Variants in TENM2 observed in about 807,000 individuals in gnomAD.
TENM2 encodes teneurin transmembrane protein 2, also known as teneurin-2.
TENM2 carries 52 observed loss-of-function variants against 245.2 expected under a neutral mutation model. The ratio of observed to expected loss-of-function variants is 0.21; its 90% CI spans 0.17 to 0.27. TENM2 has a LOEUF of 0.27. Among genes scored for constraint, TENM2 ranks in the 10% least tolerant of loss-of-function variants. The probability of loss-of-function intolerance (pLI) is 1.00; values close to 1 mark genes in which losing one functional copy is unlikely to be tolerated. For missense variants in TENM2, 3,046 were observed against 3,666.8 expected (o/e 0.83, Z 4.37); for synonymous variants, 1,363 against 1,438.9 (o/e 0.95, Z 1.19).
chr5:167,554,043 G>C (rs79458019), intron 2 of TENM2, among the ~76,000 whole-genome samples: 1 of 152,260 alleles, frequency 6.6e-6, no homozygotes, highest in African/African-American at 2.4e-5. Context: ...ATTCTCATGG[G>C]AAGTGTCTGG....
chr5:168,238,190 G>A (rs924483703), intron 25 of TENM2, among the ~76,000 whole-genome samples: 609 of 46,322 alleles, frequency 0.013, 65 homozygotes, highest in African/African-American at 0.13. Flanking sequence ...AGAGAGGGAG[G>A]GAGGGAGGGA....
At chr5:167,353,711 T>C (rs1044314838) in intron 1 of TENM2, among the ~76,000 whole-genome samples, 2 of 151,508 alleles carry the variant, frequency 1.3e-5, no homozygotes, top group African/African-American at 2.4e-5. Flanking sequence ...GTTTCACCGT[T>C]TTAGCCGGGA....
intron 5 of TENM2, among the ~76,000 whole-genome samples, chr5:168,025,661 G>A (rs961048276): frequency 6.6e-6 from 1 of 152,212 alleles, no homozygotes; most frequent in Non-Finnish European, 1.5e-5. Context: ...GTTCCAAAGA[G>A]CAAACACAAC....
chr5:167,288,558 CAAA>C (rs58929279), intron 1 of TENM2, among the ~76,000 whole-genome samples: 6 of 93,666 alleles, frequency 6.4e-5, no homozygotes, highest in Admixed American at 2.7e-4. Context: ...GACTCCGTCT[CAAA>C]AAAAAAAAAA....
intron 2 of TENM2, among the ~76,000 whole-genome samples, chr5:167,718,396 A>G (rs909872238): frequency 6.6e-6 from 1 of 152,098 alleles, no homozygotes; most frequent in Admixed American, 6.6e-5. Flanking sequence ...ACTTCCCTGT[A>G]GCTCAGTGTC....
intron 3 of TENM2, among the ~76,000 whole-genome samples, chr5:167,919,157 T>C (rs1175191446): frequency 2.0e-5 from 3 of 152,192 alleles, no homozygotes; most frequent in Non-Finnish European, 2.9e-5. Flanking sequence ...TTACTTCTAT[T>C]GTTTCCCTAG....
At chr5:167,394,695 A>G (rs183773284) in intron 2 of TENM2, among the ~76,000 whole-genome samples, 64 of 152,220 alleles carry the variant, frequency 4.2e-4, no homozygotes, top group Non-Finnish European at 5.9e-5. Flanking sequence ...TCCTGGGGTC[A>G]AGTGATTCTC....
chr5:167,485,521 C>T (rs1436959371), intron 2 of TENM2, among the ~76,000 whole-genome samples: 2 of 152,158 alleles, frequency 1.3e-5, no homozygotes, highest in Admixed American at 6.5e-5. Context: ...GGTAATGAAC[C>T]ATATTTTTCA....
chr5:167,782,552 A>G (rs1298409299), intron 2 of TENM2, among the ~76,000 whole-genome samples: 1 of 152,060 alleles, frequency 6.6e-6, no homozygotes, highest in East Asian at 1.9e-4. Context: ...ATCATTTCCA[A>G]GTTCAGCTCT....
At chr5:167,932,815 G>A (rs1438873219) in intron 3 of TENM2, among the ~76,000 whole-genome samples, 1 of 152,102 alleles carries the variant, frequency 6.6e-6, no homozygotes, top group Non-Finnish European at 1.5e-5. Context: ...TAGCTCGGCG[G>A]CTGAATGTGG....
At chr5:167,812,304 T>C (rs368181714) in intron 2 of TENM2, among the ~76,000 whole-genome samples, 1 of 152,092 alleles carries the variant, frequency 6.6e-6, no homozygotes, top group Non-Finnish European at 1.5e-5. Flanking sequence ...GATTTCCATT[T>C]TGGAAAGATC....
intron 2 of TENM2, among the ~76,000 whole-genome samples, chr5:167,532,881 T>A (rs533865180): frequency 6.6e-6 from 1 of 151,134 alleles, no homozygotes; most frequent in Non-Finnish European, 1.5e-5. Context: ...ATCTAGATGA[T>A]GTGATGAAAG....
chr5:167,903,316 T>G (rs977664319), intron 3 of TENM2, among the ~76,000 whole-genome samples: 1 of 152,162 alleles, frequency 6.6e-6, no homozygotes, highest in African/African-American at 2.4e-5. Context: ...GAAGCTTCTC[T>G]TCTAAAGTGA....
In TENM2 at chr5:167,673,328, A is replaced by G. The variant is rs115926262; in HGVS notation, c.503-202658A>G. 4.4e-3 allele frequency among the ~76,000 whole-genome samples: 667 copies of G among 152,244 alleles called. 9 individuals carry two copies. Among genetic ancestry groups the G allele is most frequent in the African/African-American group, 0.015 (626 of 41,572 alleles). ...ACAATAATAAAATGATTCTAATTTT[A>G]GCATAAAAGATGGTTCCCATTAACA... is the stretch of plus-strand genomic sequence containing the variant. On this transcript the variant is annotated intron_variant, in intron 2 of 28. Transcript: ENST00000518659.
intron 7 of TENM2, among the ~76,000 whole-genome samples, chr5:168,072,961 T>C (rs1791152641): frequency 6.6e-6 from 1 of 151,868 alleles, no homozygotes; most frequent in Non-Finnish European, 1.5e-5. Flanking sequence ...GAGCTCAGAG[T>C]CTTCCTCCTC....
intron 2 of TENM2, among the ~76,000 whole-genome samples, chr5:167,440,818 G>A (rs1489718670): frequency 6.6e-6 from 1 of 151,620 alleles, no homozygotes; most frequent in Non-Finnish European, 1.5e-5. Flanking sequence ...CATCTACAGT[G>A]TGCTTGGATA....
upstream of TENM2, among the ~76,000 whole-genome samples, chr5:167,280,335 A>T (rs1320575300): frequency 6.6e-6 from 1 of 152,148 alleles, no homozygotes. Flanking sequence ...TCTCCTAAAC[A>T]TTCTTCCACA....
chr5:167,582,682 C>A (rs1775173976), intron 2 of TENM2, among the ~76,000 whole-genome samples: 1 of 152,214 alleles, frequency 6.6e-6, no homozygotes, highest in Non-Finnish European at 1.5e-5. Context: ...ATGGCACGAA[C>A]CTTTACAGAA....
At chr5:167,002,866 T>G in the TENM2 span, among the ~76,000 whole-genome samples, 1 of 152,272 alleles carries the variant, frequency 6.6e-6, no homozygotes, top group Non-Finnish European at 1.5e-5. Flanking sequence ...TATTACATAC[T>G]CAAGAGGTCA....
Sources: allele counts gnomAD v4.1 joint callset (sites outside exome capture counted in the v4.1 genomes callset), GRCh38; gene constraint gnomAD v4.1.1; transcripts MANE v1.5; gene names NCBI Gene and HGNC (gene_info 2026-07-23, HGNC 2026-07-21).